UMAD1: variants seen among roughly 807,000 people sequenced by gnomAD.
UMAD1 encodes the protein UBAP1-MVB12-associated (UMA) domain containing 1, also known as UBAP1-MVB12-associated (UMA)-domain containing protein 1.
UMAD1 carries 8 observed loss-of-function variants against 6.1 expected under a neutral mutation model. The observed-to-expected ratio is 1.30, with a 90% CI of 0.76 to 2.35. The LOEUF is 2.35. Ranked by LOEUF, UMAD1 falls within the 30% of genes most tolerant of loss-of-function variation. The pLI is 0.00. For missense variants in UMAD1, 130 were observed against 78.4 expected, an observed-to-expected ratio of 1.66 and a Z score of -2.49; for synonymous variants, 56 against 31.4, an observed-to-expected ratio of 1.78 and a Z score of -2.61.
At chr7:7,742,298 G>C (rs912339748) in intron 2 of UMAD1, 40 of 644,662 alleles carry the variant, frequency 6.2e-5, no homozygotes, top group Non-Finnish European at 1.1e-4. Context: ...CTTCATGGCC[G>C]ACTCAGTGGT....
chr7:7,687,226 AC>A (rs1334868556), intron 2 of UMAD1: 3 of 152,192 alleles, frequency 2.0e-5, no homozygotes, highest in Non-Finnish European at 4.4e-5. Flanking sequence ...CAGGCTACTT[AC>A]CATTTCAGCC....
At chr7:7,767,128 C>CTTTTTTTTTGTTTTTTTTTTTTT (rs1782001244) in intron 2 of UMAD1, among the ~76,000 whole-genome samples, 1 of 129,794 alleles carries the variant, frequency 7.7e-6, no homozygotes, top group Non-Finnish European at 1.7e-5. Context: ...AAATTAAGCT[C>CTTTTTTTTTGTTTTTTTTTTTTT]TTTTTTTTTT....
At chr7:7,761,062 GA>G (rs1781879272) in intron 2 of UMAD1, among the ~76,000 whole-genome samples, 2 of 152,104 alleles carry the variant, frequency 1.3e-5, no homozygotes, top group South Asian at 4.1e-4. Flanking sequence ...TGCATTTTGT[GA>G]ATTATGAAAA....
chr7:7,753,552 A>G (rs567269454), intron 2 of UMAD1, among the ~76,000 whole-genome samples: 7 of 152,274 alleles, frequency 4.6e-5, no homozygotes, highest in Admixed American at 2.6e-4. Flanking sequence ...GGCTTATTTC[A>G]CTTAACATAA....
At chr7:7,774,733 C>A (rs1563195634) in intron 2 of UMAD1, among the ~76,000 whole-genome samples, 1 of 152,126 alleles carries the variant, frequency 6.6e-6, no homozygotes, top group East Asian at 1.9e-4. Flanking sequence ...CTCATAACAC[C>A]AATTTCAACT....
At chr7:7,770,058 A>G (rs1782070203) in intron 2 of UMAD1, among the ~76,000 whole-genome samples, 2 of 151,976 alleles carry the variant, frequency 1.3e-5, no homozygotes, top group African/African-American at 2.4e-5. Context: ...TGCTTTCTTC[A>G]TTATTAGTAG....
chr7:7,823,225 G>A (rs1783275253), intron 3 of UMAD1, among the ~76,000 whole-genome samples: 1 of 152,014 alleles, frequency 6.6e-6, no homozygotes, highest in Non-Finnish European at 1.5e-5. Flanking sequence ...AAGCCAAAAT[G>A]TCACCCCCAA....
At chr7:7,676,966 T>G (rs1779757199) in intron 2 of UMAD1, among the ~76,000 whole-genome samples, 2 of 152,170 alleles carry the variant, frequency 1.3e-5, no homozygotes, top group African/African-American at 4.8e-5. Flanking sequence ...ATATATAATA[T>G]CTACTTTAGT....
intron 3 of UMAD1, among the ~76,000 whole-genome samples, chr7:7,874,750 A>G (rs2072939422): frequency 6.6e-6 from 1 of 152,232 alleles, no homozygotes; most frequent in African/African-American, 2.4e-5. Flanking sequence ...ATTAAAAAAC[A>G]AAACCAGGTA....
chr7:7,854,574 C>T (rs559793935), intron 3 of UMAD1, among the ~76,000 whole-genome samples: 1 of 151,930 alleles, frequency 6.6e-6, no homozygotes, highest in Non-Finnish European at 1.5e-5. Flanking sequence ...GGGAAACCAC[C>T]CCCATGATTC....
chr7:7,757,079 T>C (rs1417197006), intron 2 of UMAD1, among the ~76,000 whole-genome samples: 2 of 152,232 alleles, frequency 1.3e-5, no homozygotes, highest in Non-Finnish European at 2.9e-5. Flanking sequence ...CTACTTTTAT[T>C]AACAGATGAA....
chr7:7,759,865 C>CT (rs894344675), intron 2 of UMAD1, among the ~76,000 whole-genome samples: 1 of 152,180 alleles, frequency 6.6e-6, no homozygotes, highest in Non-Finnish European at 1.5e-5. Flanking sequence ...GGGAGACAGT[C>CT]TGCCATATTA....
intron 2 of UMAD1, among the ~76,000 whole-genome samples, chr7:7,719,220 G>C (rs554742074): frequency 3.3e-5 from 5 of 152,138 alleles, no homozygotes; most frequent in Admixed American, 6.5e-5. Flanking sequence ...TTTAGGAGAG[G>C]ATAACAAATG....
chr7:7,864,483 T>G (rs1784187313), intron 3 of UMAD1, among the ~76,000 whole-genome samples: 1 of 151,602 alleles, frequency 6.6e-6, no homozygotes, highest in African/African-American at 2.4e-5. Flanking sequence ...ACACCCACAC[T>G]CAAGCAGATG....
At chr7:7,687,960 TG>T (rs1780079348) in intron 2 of UMAD1, among the ~76,000 whole-genome samples, 2 of 152,324 alleles carry the variant, frequency 1.3e-5, no homozygotes, top group South Asian at 4.1e-4. Context: ...AAAGGAAAAC[TG>T]TAACCCCTGA....
chr7:7,749,672 G>A (rs376802855), intron 2 of UMAD1, among the ~76,000 whole-genome samples: 1 of 151,954 alleles, frequency 6.6e-6, no homozygotes, highest in Non-Finnish European at 1.5e-5. Flanking sequence ...ATAAAACTGG[G>A]CGTTGATATT....
intron 1 of UMAD1, among the ~76,000 whole-genome samples, chr7:7,644,067 A>G (rs1405672686): frequency 6.6e-6 from 1 of 152,212 alleles, no homozygotes; most frequent in Non-Finnish European, 1.5e-5. Flanking sequence ...TACCTGGAGT[A>G]TAAGACAGTT....
intron 2 of UMAD1, among the ~76,000 whole-genome samples, chr7:7,765,213 C>G (rs1165786545): frequency 2.6e-5 from 4 of 152,156 alleles, no homozygotes; most frequent in African/African-American, 9.7e-5. Flanking sequence ...TCAGTTTACT[C>G]TATGTATCTG....
chr7:7,719,664 C>A (rs78743785), intron 2 of UMAD1, among the ~76,000 whole-genome samples: 4,876 of 152,092 alleles, frequency 0.032, 244 homozygotes, highest in African/African-American at 0.11. Context: ...ACGTTAGTGA[C>A]TACTGTACTT....
Sources: allele counts gnomAD v4.1 joint callset (sites outside exome capture counted in the v4.1 genomes callset), GRCh38; gene constraint gnomAD v4.1.1; transcripts MANE v1.5; gene names NCBI Gene and HGNC (gene_info 2026-07-23, HGNC 2026-07-21).